MACROD2: variants seen among roughly 807,000 people sequenced by gnomAD.
MACROD2 encodes mono-ADP ribosylhydrolase 2.
MACROD2 carries 36 observed loss-of-function variants against 70.4 expected under a neutral mutation model. That is an observed-to-expected ratio of 0.51 (90% CI 0.39 to 0.68). The LOEUF (loss-of-function observed/expected upper bound fraction) is 0.68, where lower values mean the gene tolerates loss of function less well. Among genes scored for constraint, MACROD2 ranks in the 30% least tolerant of loss-of-function variants. The probability of loss-of-function intolerance (pLI) is 0.00; values close to 1 mark genes in which losing one functional copy is unlikely to be tolerated. For missense variants in MACROD2, 496 were observed against 538.4 expected (o/e 0.92, Z 0.78); for synonymous variants, 172 against 178.8 (o/e 0.96, Z 0.30).
intron 8 of MACROD2, among the ~76,000 whole-genome samples, chr20:15,612,247 G>A (rs2048980168): frequency 6.6e-6 from 1 of 152,176 alleles, no homozygotes; most frequent in Non-Finnish European, 1.5e-5. Context: ...CCTCTTGGCT[G>A]TTGCCCAAAT....
chr20:14,345,433 C>T (rs2083053414), intron 3 of MACROD2, among the ~76,000 whole-genome samples: 1 of 151,760 alleles, frequency 6.6e-6, no homozygotes, highest in Admixed American at 6.6e-5. Flanking sequence ...ATAGAAAGTA[C>T]AATACATTAT....
chr20:15,017,269 T>C (rs1472976061), intron 5 of MACROD2, among the ~76,000 whole-genome samples: 2 of 152,168 alleles, frequency 1.3e-5, no homozygotes, highest in African/African-American at 4.8e-5. Context: ...CTCATGCAAG[T>C]CTGAAATCCA....
rs367836488 is a variant in MACROD2 at position 15,540,688 on chromosome 20, A to G, written c.645+40841A>G. Among the ~76,000 whole-genome samples, 36 of 152,330 alleles carry G rather than the reference A, an allele frequency of 2.4e-4. No homozygotes were observed. In the South Asian group the frequency reaches 4.8e-3, roughly 20 times the overall value. Reference sequence around the variant, plus strand: ...CAATAGAAATGTACTGCCTCACAGTACTGGAGGCTGGCAGTCTAAACTCAA... The same window carrying G: ...CAATAGAAATGTACTGCCTCACAGTGCTGGAGGCTGGCAGTCTAAACTCAA... On this transcript the variant is annotated intron_variant, in intron 8 of 17. Coordinates refer to ENST00000684519, the MANE Select transcript of MACROD2 (RefSeq NM_001351661.2).
chr20:14,667,006 AC>A (rs894012242), intron 4 of MACROD2, among the ~76,000 whole-genome samples: 9 of 151,682 alleles, frequency 5.9e-5, no homozygotes, highest in Admixed American at 2.0e-4. Flanking sequence ...AGTTGGGAAA[AC>A]AACAATCCTG....
intron 3 of MACROD2, chr20:14,337,427 C>T (rs2082958372): frequency 2.6e-6 from 1 of 386,140 alleles, no homozygotes; most frequent in Non-Finnish European, 4.6e-6. Context: ...AAAAGCAATC[C>T]TATATACACT....
intron 3 of MACROD2, among the ~76,000 whole-genome samples, chr20:14,094,880 C>T (rs894307503): frequency 6.6e-6 from 1 of 152,120 alleles, no homozygotes; most frequent in Non-Finnish European, 1.5e-5. Flanking sequence ...TGCCACTGAC[C>T]TGCAATTTTT....
At chr20:15,168,208 G>C (rs77126198) in intron 5 of MACROD2, among the ~76,000 whole-genome samples, 17,541 of 152,036 alleles carry the variant, frequency 0.12, 1,556 homozygotes, top group African/African-American at 0.25. Flanking sequence ...GCGATCACTG[G>C]GCTAAAAATC....
chr20:14,199,396 G>C (rs1306241823), intron 3 of MACROD2, among the ~76,000 whole-genome samples: 1 of 152,232 alleles, frequency 6.6e-6, no homozygotes, highest in Non-Finnish European at 1.5e-5. Flanking sequence ...TTTCAGATTA[G>C]ACAGCTGCAT....
At chr20:15,612,720 G>A (rs999311257) in intron 8 of MACROD2, among the ~76,000 whole-genome samples, 9 of 152,282 alleles carry the variant, frequency 5.9e-5, no homozygotes, top group East Asian at 3.9e-4. Context: ...TCTTGTAGTC[G>A]TTTTTAAAAT....
intron 8 of MACROD2, among the ~76,000 whole-genome samples, chr20:15,663,871 A>G (rs1345863667): frequency 6.6e-6 from 1 of 152,194 alleles, no homozygotes; most frequent in African/African-American, 2.4e-5. Flanking sequence ...CTGCAAAAAC[A>G]GAAGTCGGGC....
At chr20:15,618,614 G>A (rs2146724432) in intron 8 of MACROD2, among the ~76,000 whole-genome samples, 1 of 141,766 alleles carries the variant, frequency 7.1e-6, no homozygotes, top group Non-Finnish European at 1.5e-5. Context: ...TCAAGGTCTT[G>A]GTGCTTAGCC....
intron 5 of MACROD2, among the ~76,000 whole-genome samples, chr20:15,137,292 A>G (rs947213876): frequency 1.3e-5 from 2 of 152,046 alleles, no homozygotes; most frequent in African/African-American, 4.8e-5. Context: ...CACGATAGCA[A>G]AGACTTGGAA....
chr20:15,469,075 A>G (rs1411290303), intron 7 of MACROD2, among the ~76,000 whole-genome samples: 2 of 152,268 alleles, frequency 1.3e-5, no homozygotes, highest in African/African-American at 4.8e-5. Flanking sequence ...CCAATTGCTG[A>G]CAACCACTGA....
intron 5 of MACROD2, among the ~76,000 whole-genome samples, chr20:14,944,283 G>C (rs77349641): frequency 0.021 from 3,265 of 152,202 alleles, 118 homozygotes; most frequent in African/African-American, 0.074. Flanking sequence ...AAAACTGGGC[G>C]TGCAACCCAG....
rs577617415 is a variant in MACROD2, at chr20:15,920,269, G to A, written c.776-13007G>A. 4.1e-4 allele frequency among the ~76,000 whole-genome samples: 62 copies of A among 152,218 alleles called. No individual in the cohort carries two copies. In the South Asian group the frequency reaches 5.6e-3, roughly 14 times the overall value. On this transcript the variant is annotated intron_variant, in intron 10 of 17. Coordinates refer to ENST00000684519, the MANE Select transcript of MACROD2 (RefSeq NM_001351661.2). The stretch of plus-strand genomic sequence containing the variant: ...TTCTCCTTTTGCTTAGGCTGGTCCC[G>A]AGGGCCCACAATAGGCTATATTCTT...
At chr20:14,025,312 C>G (rs1044281799) in intron 2 of MACROD2, among the ~76,000 whole-genome samples, 1 of 152,116 alleles carries the variant, frequency 6.6e-6, no homozygotes, top group Middle Eastern at 3.2e-3. Flanking sequence ...CTTCAAAACA[C>G]CAGCTCCTGG....
At chr20:15,657,934 C>T (rs898509203) in intron 8 of MACROD2, among the ~76,000 whole-genome samples, 1 of 152,050 alleles carries the variant, frequency 6.6e-6, no homozygotes, top group Non-Finnish European at 1.5e-5. Context: ...CAGATGTTAC[C>T]GTGAGCCGAG....
intron 8 of MACROD2, among the ~76,000 whole-genome samples, chr20:15,535,850 A>G (rs2047867415): frequency 6.6e-6 from 1 of 152,240 alleles, no homozygotes; most frequent in African/African-American, 2.4e-5. Context: ...ATAGGAAATC[A>G]TCCCTAAACA....
chr20:15,109,788 C>T (rs1568578115), intron 5 of MACROD2, among the ~76,000 whole-genome samples: 1 of 152,142 alleles, frequency 6.6e-6, no homozygotes. Context: ...TCGGCATACT[C>T]AATCATTCAG....
Sources: gnomAD v4.1 joint callset for allele counts (sites outside exome capture counted in the v4.1 genomes callset) on GRCh38, gnomAD v4.1.1 for gene constraint, MANE v1.5 for transcripts, NCBI Gene and HGNC (gene_info 2026-07-23, HGNC 2026-07-21) for gene names.